The following LARGE1 variants were observed in gnomAD, a reference collection of about 807,000 sequenced individuals.
LARGE1 encodes xylosyl- and glucuronyltransferase LARGE1.
Under a neutral mutation model 87.6 loss-of-function variants are expected in LARGE1, and 43 were observed. The ratio of observed to expected loss-of-function variants is 0.49; its 90% confidence interval spans 0.38 to 0.63. LARGE1 has a LOEUF of 0.63. Among genes scored for constraint, LARGE1 ranks in the 30% least tolerant of loss-of-function variants. The pLI, the probability that LARGE1 is intolerant of heterozygous loss-of-function variation, is 0.00. For synonymous variants in LARGE1, 434 were observed against 394.6 expected (o/e 1.10, Z -1.18); for missense variants, 802 against 1,000.2 (o/e 0.80, Z 2.67).
chr22:33,550,955 C>A (rs529419814), intron 6 of LARGE1, among the ~76,000 whole-genome samples: 1 of 152,206 alleles, frequency 6.6e-6, no homozygotes, highest in East Asian at 1.9e-4. Flanking sequence ...CAGGGAAAGT[C>A]AAATATCACA....
At chr22:33,638,600 A>G (rs575918356) in intron 3 of LARGE1, among the ~76,000 whole-genome samples, 2 of 152,368 alleles carry the variant, frequency 1.3e-5, no homozygotes, top group East Asian at 3.9e-4. Flanking sequence ...GCAATGGTTC[A>G]AAGAACAGGT....
chr22:33,210,236 C>A (rs1235447485), intron 11 of LARGE1, among the ~76,000 whole-genome samples: 1 of 152,256 alleles, frequency 6.6e-6, no homozygotes, highest in Non-Finnish European at 1.5e-5. Context: ...CTCCCGGCCT[C>A]CACAGGCCTT....
At chr22:33,570,739 T>A (rs2267231) in intron 5 of LARGE1, among the ~76,000 whole-genome samples, 23,039 of 149,610 alleles carry the variant, frequency 0.15, 2,788 homozygotes, top group African/African-American at 0.34. Context: ...GACAGCACAC[T>A]TTGGGTTTGA....
chr22:33,413,059 A>G (rs1026614369), intron 7 of LARGE1, among the ~76,000 whole-genome samples: 2 of 152,242 alleles, frequency 1.3e-5, no homozygotes, highest in African/African-American at 4.8e-5. Context: ...GGACCCTAGC[A>G]CATCACTGCA....
chr22:33,549,349 T>C (rs1307553068), intron 6 of LARGE1, among the ~76,000 whole-genome samples: 4 of 152,232 alleles, frequency 2.6e-5, no homozygotes, highest in Non-Finnish European at 2.9e-5. Context: ...TAGAATGGCA[T>C]ACACTGGTTC....
At chr22:33,269,152 A>C (rs1415471047), downstream of LARGE1, among the ~76,000 whole-genome samples, 1 of 152,228 alleles carries the variant, frequency 6.6e-6, no homozygotes, top group Non-Finnish European at 1.5e-5. Flanking sequence ...TTCATTTTCA[A>C]ATGTTTGAGG....
chr22:33,116,275 G>A, the LARGE1 span: 5 of 152,162 alleles, frequency 3.3e-5, no homozygotes. Context: ...AGGGCGTTTT[G>A]CAAAAGGAGG....
intron 11 of LARGE1, among the ~76,000 whole-genome samples, chr22:33,226,736 ATT>A (rs11323006): frequency 0.05 from 7,348 of 146,786 alleles, 214 homozygotes; most frequent in Admixed American, 0.095. Flanking sequence ...ATTTATTATT[ATT>A]TTTTTTTTTG....
intron 5 of LARGE1, among the ~76,000 whole-genome samples, chr22:33,597,704 C>T (rs941188292): frequency 6.6e-6 from 1 of 152,118 alleles, no homozygotes; most frequent in Non-Finnish European, 1.5e-5. Context: ...CCCAGCTAGA[C>T]AGGTGAATCA....
At chr22:33,398,290 A>C (rs2065817159) in intron 7 of LARGE1, among the ~76,000 whole-genome samples, 1 of 152,094 alleles carries the variant, frequency 6.6e-6, no homozygotes, top group South Asian at 2.1e-4. Flanking sequence ...CAGGAAACTG[A>C]GGCTCAGAAA....
At chr22:33,778,003 G>C (rs2085302859) in intron 1 of LARGE1, among the ~76,000 whole-genome samples, 1 of 152,142 alleles carries the variant, frequency 6.6e-6, no homozygotes, top group African/African-American at 2.4e-5. Context: ...CATCTCCTTT[G>C]CCCAGAATTG....
upstream of LARGE1, chr22:33,922,535 G>T (rs554062168): frequency 6.6e-6 from 1 of 152,270 alleles, no homozygotes; most frequent in South Asian, 2.1e-4. Context: ...CGGTGGTACA[G>T]CAGCGTCCCC....
At chr22:33,709,147 C>T (rs1209154501) in intron 2 of LARGE1, among the ~76,000 whole-genome samples, 1 of 152,130 alleles carries the variant, frequency 6.6e-6, no homozygotes, top group Non-Finnish European at 1.5e-5. Flanking sequence ...CATGGAGGGG[C>T]GCAATTCAGC....
At position 33,760,419 on chromosome 22, in the gene LARGE1, C is replaced by T. The variant is rs558067316; in HGVS notation, c.106+952G>A. Among the ~76,000 whole-genome samples, 234 of 152,270 alleles carry T rather than the reference C, an allele frequency of 1.5e-3. 1 individual carries two copies. The highest frequency in any genetic ancestry group is 5.1e-3 in the African/African-American group (214 of 41,562). On this transcript the variant is annotated intron_variant, in intron 2 of 14. Transcript: ENST00000397394. ...TTTGTTGCCTCCCTGCGCTCGGCCC[C>T]TCATGTAACTGATCATCTTTCATCC... is the stretch of plus-strand genomic sequence containing the variant.
intron 11 of LARGE1, among the ~76,000 whole-genome samples, chr22:33,226,882 G>T (rs992437432): frequency 6.6e-6 from 1 of 151,840 alleles, no homozygotes; most frequent in African/African-American, 2.4e-5. Context: ...GGCGCCTGCC[G>T]CCGCGCCTGG....
At position 33,275,763 on chromosome 22, in the gene LARGE1, CCAAAA is replaced by C. The variant is rs368311730; in HGVS notation, c.2074-1144_2074-1140del. Reference sequence around the variant, plus strand: ...TTTTCAAGAATTCTGTCAAAACTGTCCAAAACAAACAAAGCCCAGGTCTCATGGCT... The same window carrying C: ...TTTTCAAGAATTCTGTCAAAACTGTCCAAACAAAGCCCAGGTCTCATGGCT... On this transcript the variant is annotated intron_variant, in intron 14 of 14. Coordinates refer to ENST00000397394, the MANE Select transcript of LARGE1 (RefSeq NM_133642.5). Among the ~76,000 whole-genome samples, 121 of 152,288 alleles carry C rather than the reference CCAAAA, an allele frequency of 7.9e-4. 1 individual carries two copies. The highest frequency in any genetic ancestry group is 2.7e-3 in the African/African-American group (114 of 41,566).
intron 6 of LARGE1, among the ~76,000 whole-genome samples, chr22:33,537,176 C>T (rs572427440): frequency 3.2e-4 from 49 of 152,332 alleles, no homozygotes; most frequent in Admixed American, 1.0e-3. Flanking sequence ...CTACAAATGA[C>T]GTGGCTTGAA....
chr22:33,291,080 C>CAA (rs1932461684), intron 12 of LARGE1, among the ~76,000 whole-genome samples: 1 of 151,892 alleles, frequency 6.6e-6, no homozygotes, highest in African/African-American at 2.4e-5. Flanking sequence ...TCTGGTTCTG[C>CAA]AAAAATAAGT....
At chr22:33,281,447 C>A (rs972281343) in intron 13 of LARGE1, among the ~76,000 whole-genome samples, 1 of 151,984 alleles carries the variant, frequency 6.6e-6, no homozygotes, top group Non-Finnish European at 1.5e-5. Context: ...TGACTGAGAA[C>A]ACAGGTTCCT....
Sources: allele counts gnomAD v4.1 joint callset (sites outside exome capture counted in the v4.1 genomes callset), GRCh38; gene constraint gnomAD v4.1.1; transcripts MANE v1.5; gene names NCBI Gene and HGNC (gene_info 2026-07-23, HGNC 2026-07-21).